SYNPR: variants seen among roughly 807,000 people sequenced by gnomAD.
SYNPR encodes the protein synaptoporin.
A neutral mutation model predicts 32.9 loss-of-function variants in SYNPR; 23 were observed. That is an observed-to-expected ratio of 0.70 (90% CI 0.50 to 0.99). The LOEUF is 0.99. Among genes scored for constraint, SYNPR ranks in the 50% least tolerant of loss-of-function variants. The probability of loss-of-function intolerance (pLI) is 0.00; values close to 1 mark genes in which losing one functional copy is unlikely to be tolerated. For synonymous variants in SYNPR, 146 were observed against 135.9 expected (o/e 1.07, Z -0.52); for missense variants, 318 against 349.3 (o/e 0.91, Z 0.71).
chr3:63,578,594 T>C (rs1162733689), intron 4 of SYNPR, among the ~76,000 whole-genome samples: 2 of 152,090 alleles, frequency 1.3e-5, no homozygotes, highest in African/African-American at 4.8e-5. Flanking sequence ...AAGACAACTT[T>C]CATGAACTTA....
intron 2 of SYNPR, among the ~76,000 whole-genome samples, chr3:63,413,199 G>A (rs574951938): frequency 7.2e-5 from 11 of 152,188 alleles, no homozygotes; most frequent in African/African-American, 2.4e-4. Context: ...TTTCCATCAC[G>A]AAGCAAATTT....
At chr3:63,595,804 TA>T (rs1186210191) in intron 4 of SYNPR, among the ~76,000 whole-genome samples, 2 of 59,178 alleles carry the variant, frequency 3.4e-5, no homozygotes, top group African/African-American at 1.4e-4. Flanking sequence ...TATATAGTTA[TA>T]TATATATATA....
intron 4 of SYNPR, among the ~76,000 whole-genome samples, chr3:63,572,614 T>C (rs1702907568): frequency 6.6e-6 from 1 of 152,202 alleles, no homozygotes; most frequent in Non-Finnish European, 1.5e-5. Context: ...GTATAGAATC[T>C]TTATTGGTTT....
At chr3:63,543,764 A>C (rs1222985156) in intron 3 of SYNPR, among the ~76,000 whole-genome samples, 1 of 152,106 alleles carries the variant, frequency 6.6e-6, no homozygotes, top group Non-Finnish European at 1.5e-5. Context: ...TTGGATAAGC[A>C]GGAAGTAGCC....
At chr3:63,353,847 T>C (rs1403519465) in intron 2 of SYNPR, among the ~76,000 whole-genome samples, 4 of 152,248 alleles carry the variant, frequency 2.6e-5, no homozygotes, top group African/African-American at 9.6e-5. Context: ...CACAAAAATA[T>C]AGTGCTGTCA....
intron 2 of SYNPR, among the ~76,000 whole-genome samples, chr3:63,480,286 A>G (rs1701020307): frequency 6.6e-6 from 1 of 152,188 alleles, no homozygotes; most frequent in East Asian, 1.9e-4. Context: ...AAATATACTG[A>G]GATCTTGTGC....
At chr3:63,253,080 C>A (rs1463175492) in intron 2 of SYNPR, among the ~76,000 whole-genome samples, 1 of 148,458 alleles carries the variant, frequency 6.7e-6, no homozygotes, top group South Asian at 2.1e-4. Context: ...TTTTCTTTTT[C>A]AGTTATTCTA....
intron 2 of SYNPR, among the ~76,000 whole-genome samples, chr3:63,368,477 A>C (rs888844902): frequency 6.6e-6 from 1 of 152,196 alleles, no homozygotes; most frequent in African/African-American, 2.4e-5. Flanking sequence ...GAGGCAATTC[A>C]AGTCTGGAGA....
At chr3:63,322,188 G>T (rs995306952) in intron 2 of SYNPR, among the ~76,000 whole-genome samples, 1 of 152,002 alleles carries the variant, frequency 6.6e-6, no homozygotes, top group Non-Finnish European at 1.5e-5. Flanking sequence ...GTGCCTACAG[G>T]AATATAGAGT....
At chr3:63,570,771 G>C (rs1304008615) in intron 4 of SYNPR, among the ~76,000 whole-genome samples, 1 of 152,082 alleles carries the variant, frequency 6.6e-6, no homozygotes, top group Admixed American at 6.6e-5. Context: ...ATGTGGTTTT[G>C]TCTGATCCCC....
chr3:63,294,351 C>G (rs1226880522), intron 2 of SYNPR, among the ~76,000 whole-genome samples: 1 of 152,142 alleles, frequency 6.6e-6, no homozygotes, highest in Non-Finnish European at 1.5e-5. Context: ...AATGTTTTTA[C>G]AGTTTGATAG....
chr3:63,288,863 G>T (rs1422950202), intron 2 of SYNPR, among the ~76,000 whole-genome samples: 1 of 152,172 alleles, frequency 6.6e-6, no homozygotes, highest in Admixed American at 6.5e-5. Context: ...AGAGGAATTT[G>T]TTGATGAGCA....
In SYNPR at chr3:63,533,384, G is replaced by A. The variant is rs560657113; in HGVS notation, c.210-23159G>A. 2.6e-5 allele frequency among the ~76,000 whole-genome samples: 4 copies of A among 152,274 alleles called. No individual in the cohort carries two copies. The South Asian group carries it at 8.3e-4, about 32-fold the overall frequency. On this transcript the variant is annotated intron_variant, in intron 3 of 5. Transcript: ENST00000478300. The stretch of plus-strand genomic sequence containing the variant: ...AAGAATTTCAAGGGAATTTAGGAGT[G>A]AGCCTTTTGGGAGATTAAAGAAGCA...
At chr3:63,333,915 C>T (rs1031656613) in intron 2 of SYNPR, among the ~76,000 whole-genome samples, 5 of 152,128 alleles carry the variant, frequency 3.3e-5, no homozygotes, top group Non-Finnish European at 2.9e-5. Context: ...GCCGAAATGT[C>T]TTACTAAGAG....
intron 2 of SYNPR, among the ~76,000 whole-genome samples, chr3:63,339,670 T>C (rs138751785): frequency 9.2e-4 from 140 of 152,188 alleles, no homozygotes; most frequent in African/African-American, 3.0e-3. Flanking sequence ...TTCTTTTTTT[T>C]TTTTTGAGAT....
chr3:63,349,337 TG>T (rs35256107), intron 2 of SYNPR, among the ~76,000 whole-genome samples: 30,985 of 152,114 alleles, frequency 0.2, 3,602 homozygotes, highest in South Asian at 0.38. Context: ...CCTGACCTTG[TG>T]ATCCGCCCAC....
intron 4 of SYNPR, among the ~76,000 whole-genome samples, chr3:63,591,871 T>C (rs1210494621): frequency 1.4e-5 from 2 of 142,758 alleles, no homozygotes; most frequent in African/African-American, 5.2e-5. Context: ...GACGCGTTAG[T>C]GGGTGCAGCG....
At chr3:63,203,464 A>G in the SYNPR span, 1 of 152,126 alleles carries the variant, frequency 6.6e-6, no homozygotes. Flanking sequence ...CTAAAGCTCA[A>G]ATCACCTTGA....
intron 2 of SYNPR, among the ~76,000 whole-genome samples, chr3:63,357,677 T>C (rs2087601582): frequency 6.6e-6 from 1 of 152,158 alleles, no homozygotes; most frequent in Admixed American, 6.5e-5. Context: ...GAGATTTAAC[T>C]ATTAAGTGTG....
Sources: allele counts gnomAD v4.1 joint callset (sites outside exome capture counted in the v4.1 genomes callset), GRCh38; gene constraint gnomAD v4.1.1; transcripts MANE v1.5; gene names NCBI Gene and HGNC (gene_info 2026-07-23, HGNC 2026-07-21).